IGF1: variants seen among roughly 807,000 people sequenced by gnomAD.
The protein encoded by IGF1 is insulin like growth factor 1, also known as insulin-like growth factor 1.
IGF1 carries 4 observed loss-of-function variants against 13.8 expected under a neutral mutation model. The observed-to-expected ratio is 0.29, with a 90% CI of 0.14 to 0.66. The LOEUF (loss-of-function observed/expected upper bound fraction) is 0.66. IGF1 is among the 30% of genes least tolerant of loss of function. IGF1 has a pLI of 0.78. For missense variants in IGF1, 124 were observed against 188.5 expected (o/e 0.66, Z 2.00); for synonymous variants, 76 against 72.6 (o/e 1.05, Z -0.23).
At chr12:102,456,250 G>A (rs1338549633) in intron 2 of IGF1, among the ~76,000 whole-genome samples, 2 of 151,018 alleles carry the variant, frequency 1.3e-5, no homozygotes, top group Admixed American at 6.6e-5. Context: ...GTGTGTGTGT[G>A]TGTGTGTGTG....
intron 2 of IGF1, among the ~76,000 whole-genome samples, chr12:102,448,936 T>C (rs1878642159): frequency 6.6e-6 from 1 of 152,176 alleles, no homozygotes; most frequent in African/African-American, 2.4e-5. Context: ...AGAAATGCTT[T>C]TTCACTGTTG....
chr12:102,429,365 T>C (rs766668792), intron 2 of IGF1, among the ~76,000 whole-genome samples: 1 of 152,242 alleles, frequency 6.6e-6, no homozygotes, highest in Non-Finnish European at 1.5e-5. Context: ...CATATATCTT[T>C]GGATATTGCA....
At chr12:102,446,152 A>C (rs1163632466) in intron 2 of IGF1, among the ~76,000 whole-genome samples, 1 of 152,136 alleles carries the variant, frequency 6.6e-6, no homozygotes, top group African/African-American at 2.4e-5. Context: ...TTTCATATTG[A>C]TGTTCATCAG....
intron 2 of IGF1, among the ~76,000 whole-genome samples, chr12:102,444,016 G>T (rs1263898384): frequency 6.6e-6 from 1 of 151,772 alleles, no homozygotes; most frequent in Non-Finnish European, 1.5e-5. Flanking sequence ...TAGTAAAGAT[G>T]GGGTTTCACC....
intron 2 of IGF1, among the ~76,000 whole-genome samples, chr12:102,456,223 T>A (rs1879387161): frequency 6.1e-5 from 1 of 16,522 alleles, no homozygotes; most frequent in African/African-American, 2.0e-4. Flanking sequence ...TTAAAAAAGG[T>A]GTGTGTGTGT....
rs183434317 is a variant in IGF1, at chr12:102,413,609, A to G, written c.402+5900T>C. ...GTGAAAGGCACTGGATTGGCAGCCC[A>G]AGAAACTAAAGTGTCCCGGAAGCTG... On this transcript the variant is annotated intron_variant, in intron 3 of 3. Coordinates refer to ENST00000337514, the MANE Select transcript of IGF1 (RefSeq NM_000618.5). Among the ~76,000 whole-genome samples the G allele has an allele frequency of 1.4e-3, 217 of 152,326 alleles. 4 individuals are homozygous for G. Among genetic ancestry groups the G allele is most frequent in the Admixed American group, 0.014 (217 of 15,308 alleles).
At chr12:102,480,564 A>G, upstream of IGF1, 1 of 1,445,380 alleles carries the variant, frequency 6.9e-7, no homozygotes, top group South Asian at 1.4e-5. Context: ...CAAACAGAAG[A>G]GGGATTTAGA....
chr12:102,457,730 G>GA (rs945552928), intron 2 of IGF1, among the ~76,000 whole-genome samples: 5 of 152,026 alleles, frequency 3.3e-5, no homozygotes, highest in Admixed American at 2.0e-4. Flanking sequence ...AAGAATAAGA[G>GA]AAAAAAATGT....
chr12:102,440,394 T>G (rs533059599), intron 2 of IGF1, among the ~76,000 whole-genome samples: 45 of 152,208 alleles, frequency 3.0e-4, no homozygotes, highest in Admixed American at 1.1e-3. Flanking sequence ...CCAAGAATCA[T>G]GGAATGTCAG....
chr12:102,478,273 T>C (rs762975725), intron 1 of IGF1, among the ~76,000 whole-genome samples: 20 of 149,874 alleles, frequency 1.3e-4, no homozygotes, highest in Non-Finnish European at 2.7e-4. Flanking sequence ...AGGAAAGATA[T>C]GATAGAAAAA....
intron 2 of IGF1, among the ~76,000 whole-genome samples, chr12:102,436,109 A>T (rs1373715400): frequency 6.6e-6 from 1 of 152,234 alleles, no homozygotes; most frequent in Non-Finnish European, 1.5e-5. Context: ...AACCAGTTTT[A>T]TTGCAAAACA....
At chr12:102,468,740 G>A (rs527935600) in intron 2 of IGF1, among the ~76,000 whole-genome samples, 42 of 152,330 alleles carry the variant, frequency 2.8e-4, no homozygotes, top group African/African-American at 8.7e-4. Flanking sequence ...CTGCCAGGGC[G>A]GCAGCTCAAT....
intron 2 of IGF1, among the ~76,000 whole-genome samples, chr12:102,460,075 T>A (rs1879776241): frequency 6.6e-6 from 1 of 152,202 alleles, no homozygotes; most frequent in African/African-American, 2.4e-5. Flanking sequence ...GACCAAAAAC[T>A]GCCACTCAAG....
At chr12:102,441,906 G>GCTGCTGCTTCTGCTTCTTCTTCTT in intron 2 of IGF1, among the ~76,000 whole-genome samples, 2 of 100,292 alleles carry the variant, frequency 2.0e-5, no homozygotes, top group African/African-American at 3.9e-5. Context: ...CTATTACACT[G>GCTGCTGCTTCTGCTTCTTCTTCTT]CTTCTTCTCC....
intron 2 of IGF1, among the ~76,000 whole-genome samples, chr12:102,441,955 C>CTTTTT (rs1268306262): frequency 7.1e-6 from 1 of 139,980 alleles, no homozygotes; most frequent in Non-Finnish European, 1.6e-5. Flanking sequence ...TCTTCTTCTT[C>CTTTTT]TTTTTTTTTT....
intron 2 of IGF1, among the ~76,000 whole-genome samples, chr12:102,443,043 C>G (rs963962260): frequency 6.6e-6 from 1 of 151,992 alleles, no homozygotes; most frequent in Non-Finnish European, 1.5e-5. Context: ...CTGGCTGACA[C>G]TAGATCAACC....
At chr12:102,446,047 C>A (rs533630369) in intron 2 of IGF1, among the ~76,000 whole-genome samples, 2 of 152,072 alleles carry the variant, frequency 1.3e-5, no homozygotes, top group Non-Finnish European at 2.9e-5. Context: ...ATTGGTTTGC[C>A]TATGTTGAAC....
chr12:102,422,023 A>C (rs1005396198), intron 2 of IGF1, among the ~76,000 whole-genome samples: 2 of 132,748 alleles, frequency 1.5e-5, no homozygotes, highest in Non-Finnish European at 3.0e-5. Context: ...TCATCACAGC[A>C]AAAAAAATAA....
At position 102,396,274 on chromosome 12, in the gene IGF1, C is replaced by G. The variant is rs1330247934; in HGVS notation, c.*6233G>C. The stretch of plus-strand genomic sequence containing the variant: ...TCCCAATTCTCATAGTTCATTAACT[C>G]TTTTACCAAAAAGATCTGACATGGT... On this transcript the variant is annotated 3_prime_UTR_variant, in exon 4 of 4. Transcript: ENST00000337514. 1 of 152,162 alleles carries G rather than the reference C, an allele frequency of 6.6e-6. No homozygotes were observed. The highest frequency in any genetic ancestry group is 2.4e-5 in the African/African-American group (1 of 41,432). The allele number at this position is 152,162 out of a possible 1,614,324, so 9.4% of individuals were successfully genotyped here.
Sources: allele counts gnomAD v4.1 joint callset (sites outside exome capture counted in the v4.1 genomes callset), GRCh38; gene constraint gnomAD v4.1.1; transcripts MANE v1.5; gene names NCBI Gene and HGNC (gene_info 2026-07-23, HGNC 2026-07-21).